CIT: variants seen among roughly 807,000 people sequenced by gnomAD.
CIT encodes the protein citron rho-interacting serine/threonine kinase.
CIT carries 79 observed loss-of-function variants against 272.7 expected under a neutral mutation model. That is an observed-to-expected ratio of 0.29 (90% CI 0.24 to 0.35). CIT has a LOEUF of 0.35. Ranked by LOEUF, CIT falls within the 10% of genes least tolerant of loss-of-function variation. CIT has a pLI of 1.00. For missense variants in CIT, 1,909 were observed against 2,618.3 expected, an observed-to-expected ratio of 0.73 and a Z score of 5.91; for synonymous variants, 948 against 995.6, an observed-to-expected ratio of 0.95 and a Z score of 0.90.
At chr12:119,775,634 T>C (rs758354593) in intron 16 of CIT, 152 bp downstream of exon 16, 6 of 631,172 alleles carry the variant, frequency 9.5e-6, no homozygotes, top group South Asian at 2.0e-5. Context: ...AGAACTCTGA[T>C]ATTTTCAGGT....
chr12:119,869,235 C>T (rs1745960840), intron 2 of CIT, 34 bp from the exon 3 acceptor site: 1 of 1,571,788 alleles, frequency 6.4e-7, no homozygotes, highest in South Asian at 1.2e-5. Flanking sequence ...GAGACACTGT[C>T]AATAATGAAA....
intron 3 of CIT, among the ~76,000 whole-genome samples, chr12:119,866,887 T>TA (rs1190291759): frequency 6.6e-6 from 1 of 152,170 alleles, no homozygotes; most frequent in Non-Finnish European, 1.5e-5. Context: ...AACACATGGG[T>TA]AGGGCTGTGT....
Position 119,834,107 on chromosome 12 carries a change from T to C in CIT, c.638A>G (p.His213Arg). Residue 213 changes from histidine to arginine, a missense_variant, in exon 6 of 48, where the codon CAT (histidine) becomes CGT (arginine). By Grantham distance (29) the His-to-Arg change is conservative (BLOSUM62 0). Around this residue, in one of 8 missense-constraint regions of CIT, gnomAD observed 529 missense variants for 549.6 expected, o/e 0.96. Coordinates refer to ENST00000392521, the MANE Select transcript of CIT (RefSeq NM_001206999.2). ...TTACCGATGCACGTATCCCATCAGA[T>C]GAACGCTGTGAACAGCCAAAATCAG... Reference protein sequence around the residue: ...AELILAVHSVHLMGYVHRDIK... With the variant: ...AELILAVHSVRLMGYVHRDIK... 6.2e-7 allele frequency: 1 copy of C among 1,613,486 alleles called. No homozygotes were observed. Among genetic ancestry groups the C allele is most frequent in the Non-Finnish European group, 8.5e-7 (1 of 1,179,834 alleles).
chr12:119,748,711 G>A (rs570058333), intron 23 of CIT, among the ~76,000 whole-genome samples: 38 of 152,314 alleles, frequency 2.5e-4, no homozygotes, highest in Non-Finnish European at 3.8e-4. Context: ...CAGGGAGAAG[G>A]ATTCCTTTCA....
intron 28 of CIT, among the ~76,000 whole-genome samples, chr12:119,727,264 C>T (rs111527750): frequency 0.05 from 7,546 of 152,276 alleles, 259 homozygotes; most frequent in African/African-American, 0.098. Flanking sequence ...ACAAGTATTA[C>T]ATGACCCCCA....
chr12:119,854,467 G>A (rs555156695), intron 4 of CIT, among the ~76,000 whole-genome samples: 14 of 143,160 alleles, frequency 9.8e-5, no homozygotes, highest in African/African-American at 2.9e-4. Flanking sequence ...GCAAAACCCC[G>A]TCTCTACTAA....
Position 119,708,288 on chromosome 12 carries a change from A to G in CIT, c.5102T>C (p.Val1701Ala). The change falls in exon 40 of 48, where the codon GTG becomes GCG. Residue 1701 changes from valine to alanine, a missense_variant. Val to Ala is a moderately conservative substitution (Grantham distance 64). Around this residue, in one of 8 missense-constraint regions of CIT, gnomAD observed 780 missense variants for 1,067.2 expected, o/e 0.73. Coordinates refer to ENST00000392521, the MANE Select transcript of CIT (RefSeq NM_001206999.2). ...GGCCAGGGACTGTTTCACTTTCTTC[A>G]CGTCCACAAGACACAGTGCCCGCTC... ...GEERALCLVDVKKVKQSLAQS... is the reference protein window; with the variant it reads ...GEERALCLVDAKKVKQSLAQS... 1 of 1,604,660 alleles carries G rather than the reference A, an allele frequency of 6.2e-7. No homozygotes were observed. The highest frequency in any genetic ancestry group is 8.5e-7 in the Non-Finnish European group (1 of 1,175,872).
intron 22 of CIT, among the ~76,000 whole-genome samples, chr12:119,754,069 C>T (rs2137435047): frequency 6.6e-6 from 1 of 152,264 alleles, no homozygotes; most frequent in East Asian, 1.9e-4. Context: ...ATGGTGATGA[C>T]GACGATGTCA....
Position 119,709,842 on chromosome 12 carries a change from A to G in CIT, c.5071+409T>C, listed in dbSNP as rs533040360. Among the ~76,000 whole-genome samples the G allele has an allele frequency of 2.1e-5, 3 of 141,266 alleles. No homozygotes were observed. In the East Asian group the frequency reaches 6.3e-4, roughly 30 times the overall value. 92.7% of individuals were successfully genotyped at this position (141,266 alleles called of 152,430 possible). A position where few individuals can be genotyped will look rare whatever the true frequency, so the allele number is the denominator to read the frequency against. Reference sequence around the variant, plus strand: ...TGTGTGTGTGTGTGTGTGTGTTAAGAAGACAGAGAAAAAAATTATGACAAA... The same window carrying G: ...TGTGTGTGTGTGTGTGTGTGTTAAGGAGACAGAGAAAAAAATTATGACAAA... On this transcript the variant is annotated intron_variant, in intron 39 of 47. Coordinates refer to ENST00000392521, the MANE Select transcript of CIT (RefSeq NM_001206999.2).
At position 119,869,212 on chromosome 12, in the gene CIT, C is replaced by G. The variant is rs772363049; in HGVS notation, c.97-11G>C. On this transcript the variant is annotated splice_polypyrimidine_tract_variant and intron_variant, in intron 2 of 47. Transcript: ENST00000392521. Reference sequence around the variant, plus strand: ...AAAGGGTGGTTTCCCCTAAAAACAGCAAACAGCAGATGGAGACACTGTCAA... The same window carrying G: ...AAAGGGTGGTTTCCCCTAAAAACAGGAAACAGCAGATGGAGACACTGTCAA... 2 of 1,592,378 alleles carry G rather than the reference C, an allele frequency of 1.3e-6. No homozygotes were observed. Among genetic ancestry groups the G allele is most frequent in the Middle Eastern group, 1.7e-4 (1 of 5,972 alleles).
intron 19 of CIT, among the ~76,000 whole-genome samples, chr12:119,766,282 G>A (rs141570377): frequency 3.3e-5 from 5 of 152,262 alleles, no homozygotes; most frequent in Non-Finnish European, 5.9e-5. Context: ...ATACAACAAT[G>A]GAGTACTATT....
intron 44 of CIT, 151 bp from the exon 45 acceptor site, chr12:119,698,205 C>T: frequency 1.4e-6 from 1 of 694,182 alleles, no homozygotes. Context: ...AACAGTCATG[C>T]ATGTTCGAGG....
chr12:119,775,832 G>A lies in CIT; in HGVS notation c.1895C>T (p.Ala632Val). 2.5e-6 allele frequency: 4 copies of A among 1,612,610 alleles called. No homozygotes were observed. The highest frequency in any genetic ancestry group is 3.4e-6 in the Non-Finnish European group (4 of 1,179,028). Residue 632 changes from alanine to valine, a missense_variant, in exon 16 of 48, where the codon GCT (alanine) becomes GTT (valine). Around this residue, in one of 8 missense-constraint regions of CIT, gnomAD observed 530 missense variants for 822.4 expected, o/e 0.64. Transcript: ENST00000392521. ...GEYAKLEKIN[A>V]EQQLKIQELQ... The stretch of plus-strand genomic sequence containing the variant: ...CTCCTGAATTTTGAGCTGCTGCTCA[G>A]CATTGATCTATAATTAAAATCCCAG...
intron 28 of CIT, among the ~76,000 whole-genome samples, chr12:119,726,385 ATTTTTT>A (rs3999547): frequency 2.0e-5 from 2 of 101,446 alleles, no homozygotes; most frequent in African/African-American, 8.4e-5. Context: ...CACTTGGCTA[ATTTTTT>A]TTTTTTTTTT....
chr12:119,802,201 G>A (rs1966259298), intron 10 of CIT, among the ~76,000 whole-genome samples: 1 of 152,160 alleles, frequency 6.6e-6, no homozygotes, highest in Admixed American at 6.5e-5. Flanking sequence ...ATTACCCTCT[G>A]AGAACCTGAA....
intron 24 of CIT, among the ~76,000 whole-genome samples, chr12:119,740,808 T>C (rs971649462): frequency 2.6e-5 from 4 of 152,054 alleles, no homozygotes; most frequent in African/African-American, 9.7e-5. Flanking sequence ...GGCAGAAAAC[T>C]ACCAGAATGT....
In CIT at chr12:119,767,125, G is replaced by C. The variant is rs1297866789; in HGVS notation, c.2266C>G (p.Leu756Val). Residue 756 changes from leucine to valine, a missense_variant, in exon 19 of 48, where the codon CTG (leucine) becomes GTG (valine). Around this residue, in one of 8 missense-constraint regions of CIT, gnomAD observed 530 missense variants for 822.4 expected, o/e 0.64. Transcript: ENST00000392521. ...TCATAGTGCTGCTCTTTCTGTTTCAGGTGCACTTCTAGGTGCTGGGCTGAG... is the reference window on the plus strand; with the variant it reads ...TCATAGTGCTGCTCTTTCTGTTTCACGTGCACTTCTAGGTGCTGGGCTGAG... The part of the protein sequence containing the change: ...QVSAQHLEVH[L>V]KQKEQHYEEK... The C allele has an allele frequency of 1.2e-6, 2 of 1,610,758 alleles. No individual in the cohort carries two copies. The highest frequency in any genetic ancestry group is 1.7e-6 in the Non-Finnish European group (2 of 1,178,460).
At position 119,842,388 on chromosome 12, in the gene CIT, C is replaced by CAAAAA. The variant is rs58634070; in HGVS notation, c.516+7781_516+7785dup. Among the ~76,000 whole-genome samples, 12 of 71,510 alleles carry CAAAAA rather than the reference C, an allele frequency of 1.7e-4. 1 individual carries two copies. The highest frequency in any genetic ancestry group is 8.3e-4 in the East Asian group (2 of 2,410). The allele number at this position is 71,510 out of a possible 152,430, so 46.9% of individuals were successfully genotyped here. ...AGGGTGACAGAGCGAGACTGCATCT[C>CAAAAA]AAAAAAAAAAAAAAAAAAAAAAAAA... is the stretch of plus-strand genomic sequence containing the variant. On this transcript the variant is annotated intron_variant, in intron 5 of 47. Coordinates refer to ENST00000392521, the MANE Select transcript of CIT (RefSeq NM_001206999.2).
In CIT at chr12:119,784,925, G is replaced by A; in HGVS notation, c.1401+35C>T. ...GGCATATACGGACGGGAGGATCCTG[G>A]AGCAAGGAAGGAGGCCGGCTGCGGA... On this transcript the variant is annotated intron_variant, in intron 11 of 47. Transcript: ENST00000392521. The surrounding 1 kb of genome is among the most constrained non-coding windows in gnomAD (Gnocchi z 4.7). 6.2e-7 allele frequency: 1 copy of A among 1,611,866 alleles called. No individual in the cohort carries two copies. Among genetic ancestry groups the A allele is most frequent in the Non-Finnish European group, 8.5e-7 (1 of 1,178,932 alleles).
Sources: allele counts gnomAD v4.1 joint callset (sites outside exome capture counted in the v4.1 genomes callset), GRCh38; gene constraint gnomAD v4.1.1; regional missense constraint gnomAD v4.1.1; non-coding constraint Gnocchi (gnomAD v3.1); transcripts MANE v1.5; gene names NCBI Gene and HGNC (gene_info 2026-07-23, HGNC 2026-07-21).